SGCG: variants seen among roughly 807,000 people sequenced by gnomAD.
SGCG encodes the protein gamma-sarcoglycan.
Under a neutral mutation model 29.3 loss-of-function variants are expected in SGCG, and 26 were observed. The observed-to-expected ratio is 0.89, with a 90% CI of 0.65 to 1.23. The LOEUF is 1.23. Among genes scored for constraint, SGCG ranks in the 50% most tolerant of loss-of-function variants. The pLI is 0.00. For synonymous variants in SGCG, 145 were observed against 129.7 expected (o/e 1.12, Z -0.80); for missense variants, 353 against 356.0 (o/e 0.99, Z 0.07).
intron 6 of SGCG, 138 bp from the exon 7 acceptor site, chr13:23,320,499 A>G: frequency 1.4e-6 from 1 of 731,510 alleles, no homozygotes; most frequent in Non-Finnish European, 2.3e-6. Flanking sequence ...ATAATGCACA[A>G]TATGTTACCA....
chr13:23,292,441 T>C (rs772456448), intron 5 of SGCG, among the ~76,000 whole-genome samples: 3 of 152,214 alleles, frequency 2.0e-5, no homozygotes, highest in Non-Finnish European at 4.4e-5. Context: ...CTCCCAACTT[T>C]CTCTTTGTTC....
chr13:23,254,795 G>A (rs532834312), intron 4 of SGCG, among the ~76,000 whole-genome samples: 1 of 152,272 alleles, frequency 6.6e-6, no homozygotes, highest in South Asian at 2.1e-4. Context: ...CATCACAGCT[G>A]CTCTAGCTCC....
rs111842315 is a variant in SGCG at position 23,241,022 on chromosome 13, G to A, written c.297+6310G>A. On this transcript the variant is annotated intron_variant, in intron 3 of 7. Transcript: ENST00000218867. ...AAATTAACCGGGCGTGGTGGCGGGT[G>A]CCTGTAGTCCCAGCTACTTGGGAGG... 6.6e-5 allele frequency among the ~76,000 whole-genome samples: 10 copies of A among 151,858 alleles called. No homozygotes were observed. In the East Asian group the frequency reaches 1.6e-3, roughly 24 times the overall value.
intron 3 of SGCG, among the ~76,000 whole-genome samples, chr13:23,241,804 C>T (rs566542836): frequency 2.0e-5 from 3 of 152,234 alleles, no homozygotes; most frequent in East Asian, 3.9e-4. Context: ...AAACACCATA[C>T]ATCACATCAA....
At chr13:23,188,311 C>CTTTTTTTTTTT (rs71100159) in intron 1 of SGCG, among the ~76,000 whole-genome samples, 2 of 78,366 alleles carry the variant, frequency 2.6e-5, no homozygotes, top group African/African-American at 4.9e-5. Context: ...TTTACTAAGG[C>CTTTTTTTTTTT]TTTTTTTTTT....
chr13:23,224,680 A>ACACACACCCC (rs1433903594), intron 2 of SGCG, among the ~76,000 whole-genome samples: 3 of 150,656 alleles, frequency 2.0e-5, no homozygotes, highest in Non-Finnish European at 3.0e-5. Context: ...ACACACACAC[A>ACACACACCCC]CCCCACACCA....
At chr13:23,212,504 T>C (rs1220336202) in intron 2 of SGCG, among the ~76,000 whole-genome samples, 2 of 152,198 alleles carry the variant, frequency 1.3e-5, no homozygotes, top group African/African-American at 4.8e-5. Flanking sequence ...AGAGATTAAA[T>C]GACCAAGGGA....
At chr13:23,189,941 G>A (rs1320551676) in intron 1 of SGCG, among the ~76,000 whole-genome samples, 1 of 152,054 alleles carries the variant, frequency 6.6e-6, no homozygotes, top group Non-Finnish European at 1.5e-5. Flanking sequence ...ATGCTCAAAG[G>A]GTTGTGTCAA....
chr13:23,210,637 G>A (rs374247525), intron 2 of SGCG, among the ~76,000 whole-genome samples: 10 of 152,140 alleles, frequency 6.6e-5, no homozygotes, highest in African/African-American at 2.4e-4. Context: ...CTTGCAGTGA[G>A]CCGAGATCAT....
chr13:23,277,688 C>A (rs1232023462), intron 4 of SGCG, among the ~76,000 whole-genome samples: 1 of 149,558 alleles, frequency 6.7e-6, no homozygotes, highest in African/African-American at 2.5e-5. Flanking sequence ...GACTTATTTT[C>A]TCAACTTCCT....
Position 23,324,367 on chromosome 13 carries a change from G to A in SGCG, c.703-1G>A. 3 of 1,614,164 alleles carry A rather than the reference G, an allele frequency of 1.9e-6. No individual in the cohort carries two copies. The highest frequency in any genetic ancestry group is 1.1e-5 in the South Asian group (1 of 91,084). On this transcript the variant is annotated splice_acceptor_variant, in intron 7 of 7. Transcript: ENST00000218867. LOFTEE classifies it high-confidence loss of function. ...TTCGTCTCTCATCTTCTCCCAACCA[G>A]CTTGTGCTTGATGCTGAAACTGTGT...
intron 7 of SGCG, among the ~76,000 whole-genome samples, chr13:23,323,302 CG>C (rs1203872832): frequency 7.2e-5 from 11 of 152,306 alleles, no homozygotes; most frequent in African/African-American, 2.6e-4. Context: ...CTTCTTTGAC[CG>C]TGACTGCACC....
intron 6 of SGCG, among the ~76,000 whole-genome samples, chr13:23,316,639 T>TC (rs1882823653): frequency 6.6e-6 from 1 of 152,138 alleles, no homozygotes; most frequent in Non-Finnish European, 1.5e-5. Context: ...GGTCCAGGAA[T>TC]CAAGGGGTGG....
At chr13:23,298,378 G>C (rs1049045558) in intron 6 of SGCG, among the ~76,000 whole-genome samples, 1 of 151,960 alleles carries the variant, frequency 6.6e-6, no homozygotes, top group African/African-American at 2.4e-5. Context: ...AAAAAAAATT[G>C]TTATTATACT....
chr13:23,248,610 C>T (rs1879819664), intron 3 of SGCG, among the ~76,000 whole-genome samples: 2 of 150,288 alleles, frequency 1.3e-5, no homozygotes, highest in Admixed American at 6.7e-5. Context: ...AGGAGAATGG[C>T]GGGAACCCGG....
intron 4 of SGCG, among the ~76,000 whole-genome samples, 197 bp downstream of exon 4, chr13:23,250,914 G>C (rs147997945): frequency 8.1e-4 from 123 of 152,316 alleles, no homozygotes; most frequent in Middle Eastern, 3.4e-3. Flanking sequence ...GAAGTGCTTT[G>C]ATTAGAGTTA....
intron 3 of SGCG, among the ~76,000 whole-genome samples, chr13:23,249,140 T>A (rs188574235): frequency 2.3e-4 from 35 of 152,334 alleles, no homozygotes; most frequent in Admixed American, 2.3e-3. Flanking sequence ...GTTTTCTACT[T>A]AAGTGATAGA....
chr13:23,211,989 G>C (rs1878238869), intron 2 of SGCG, among the ~76,000 whole-genome samples: 1 of 152,072 alleles, frequency 6.6e-6, no homozygotes, highest in South Asian at 2.1e-4. Flanking sequence ...CCATCCCCTT[G>C]GTGCTGTTGT....
chr13:23,306,410 G>C (rs1398390122), intron 6 of SGCG, among the ~76,000 whole-genome samples: 1 of 152,104 alleles, frequency 6.6e-6, no homozygotes, highest in Non-Finnish European at 1.5e-5. Context: ...TTTAATGGGA[G>C]TTGATTTTGG....
Sources: allele counts gnomAD v4.1 joint callset (sites outside exome capture counted in the v4.1 genomes callset), GRCh38; gene constraint gnomAD v4.1.1; transcripts MANE v1.5; gene names NCBI Gene and HGNC (gene_info 2026-07-23, HGNC 2026-07-21).